Variants in PDGFC observed in about 807,000 individuals in gnomAD.
PDGFC encodes the protein platelet-derived growth factor C.
A neutral mutation model predicts 35.5 loss-of-function variants in PDGFC; 12 were observed. The observed-to-expected ratio is 0.34, with a 90% confidence interval of 0.22 to 0.55. PDGFC has a LOEUF of 0.55. Among genes scored for constraint, PDGFC ranks in the 20% least tolerant of loss-of-function variants. The pLI is 0.91. For missense variants in PDGFC, 322 were observed against 412.4 expected (o/e 0.78, Z 1.90); for synonymous variants, 159 against 148.8 (o/e 1.07, Z -0.50).
intron 1 of PDGFC, among the ~76,000 whole-genome samples, chr4:156,854,117 T>C (rs908356122): frequency 2.6e-5 from 4 of 152,228 alleles, no homozygotes; most frequent in African/African-American, 7.2e-5. Flanking sequence ...GAGGTACTTA[T>C]AGTAATTTAT....
At chr4:156,921,568 CTGGG>C (rs1300162612) in intron 1 of PDGFC, among the ~76,000 whole-genome samples, 1 of 151,972 alleles carries the variant, frequency 6.6e-6, no homozygotes, top group African/African-American at 2.4e-5. Context: ...AAGACAGATG[CTGGG>C]TGGGTTTTTT....
intron 2 of PDGFC, among the ~76,000 whole-genome samples, chr4:156,847,136 G>A (rs930103336): frequency 2.6e-5 from 4 of 151,702 alleles, no homozygotes; most frequent in African/African-American, 9.7e-5. Flanking sequence ...TTTAGGAGGT[G>A]GAGTGTAATC....
intron 2 of PDGFC, among the ~76,000 whole-genome samples, chr4:156,823,559 TA>T (rs201911886): frequency 0.014 from 2,198 of 152,188 alleles, 54 homozygotes; most frequent in African/African-American, 0.049. Context: ...ATCACTACTT[TA>T]AAAAAAATAA....
intron 1 of PDGFC, among the ~76,000 whole-genome samples, chr4:156,920,703 T>C (rs981380444): frequency 7.0e-6 from 1 of 143,440 alleles, no homozygotes; most frequent in Non-Finnish European, 1.5e-5. Context: ...ATACACACAC[T>C]GCAGTTTGTC....
At chr4:156,924,235 T>C (rs539087959) in intron 1 of PDGFC, among the ~76,000 whole-genome samples, 2 of 152,210 alleles carry the variant, frequency 1.3e-5, no homozygotes, top group East Asian at 3.9e-4. Flanking sequence ...GGCAGCCGAA[T>C]AGTTTCAACC....
chr4:156,907,014 A>G (rs1730929991), intron 1 of PDGFC, among the ~76,000 whole-genome samples: 1 of 152,216 alleles, frequency 6.6e-6, no homozygotes, highest in Non-Finnish European at 1.5e-5. Flanking sequence ...AAGAAAATGT[A>G]CTTTTGTCTA....
chr4:156,852,665 T>C (rs907145520), intron 1 of PDGFC, among the ~76,000 whole-genome samples: 6 of 152,200 alleles, frequency 3.9e-5, no homozygotes, highest in Admixed American at 1.3e-4. Flanking sequence ...TTAGGTTAGT[T>C]GACTTTGAGT....
At chr4:156,940,408 A>C (rs1275997113) in intron 1 of PDGFC, among the ~76,000 whole-genome samples, 1 of 152,172 alleles carries the variant, frequency 6.6e-6, no homozygotes, top group Non-Finnish European at 1.5e-5. Context: ...CTATTTACTC[A>C]ATAAATGTTT....
At chr4:156,803,167 T>C (rs914386052) in intron 3 of PDGFC, among the ~76,000 whole-genome samples, 1 of 152,098 alleles carries the variant, frequency 6.6e-6, no homozygotes, top group Non-Finnish European at 1.5e-5. Context: ...TTGAAGAAGA[T>C]GAAATTATTA....
chr4:156,895,998 T>A (rs1352313687), intron 1 of PDGFC, among the ~76,000 whole-genome samples: 1 of 152,042 alleles, frequency 6.6e-6, no homozygotes, highest in Non-Finnish European at 1.5e-5. Context: ...CCAAAAAAAT[T>A]AAGTAAGACT....
intron 2 of PDGFC, among the ~76,000 whole-genome samples, chr4:156,818,690 G>T (rs1202916476): frequency 6.6e-6 from 1 of 151,904 alleles, no homozygotes; most frequent in Non-Finnish European, 1.5e-5. Context: ...TTTTAATAGA[G>T]ACGGGGTTTC....
chr4:156,762,857 T>G lies in PDGFC; in HGVS notation c.*233A>C. 2.3e-6 allele frequency: 1 copy of G among 438,738 alleles called. No individual in the cohort carries two copies. The highest frequency in any genetic ancestry group is 4.1e-6 in the Non-Finnish European group (1 of 243,260). The allele number at this position is 438,738 out of a possible 1,614,324, so 27.2% of individuals were successfully genotyped here. A position where few individuals can be genotyped will look rare whatever the true frequency, so the allele number is the denominator to read the frequency against. ...ATTTAATACAACATTTAATTTTCTT[T>G]CCACGATTGAAGACCTTTTCTCCTG... On this transcript the variant is annotated 3_prime_UTR_variant, in exon 6 of 6. Coordinates refer to ENST00000502773, the MANE Select transcript of PDGFC (RefSeq NM_016205.3).
At chr4:156,789,644 C>T (rs925905719) in intron 3 of PDGFC, among the ~76,000 whole-genome samples, 1 of 152,082 alleles carries the variant, frequency 6.6e-6, no homozygotes, top group African/African-American at 2.4e-5. Context: ...GATATATAAT[C>T]TGAAGAAGTA....
At chr4:156,880,315 C>T (rs1000447418) in intron 1 of PDGFC, among the ~76,000 whole-genome samples, 19 of 152,006 alleles carry the variant, frequency 1.2e-4, no homozygotes, top group African/African-American at 4.3e-4. Context: ...TCTGAAAATA[C>T]TAGATCCTTT....
chr4:156,824,451 C>T (rs1354656085), intron 2 of PDGFC, among the ~76,000 whole-genome samples: 1 of 151,492 alleles, frequency 6.6e-6, no homozygotes, highest in African/African-American at 2.4e-5. Context: ...ATAATTAACA[C>T]TCCCTTCACT....
At chr4:156,854,818 A>C (rs1028146353) in intron 1 of PDGFC, among the ~76,000 whole-genome samples, 8 of 150,710 alleles carry the variant, frequency 5.3e-5, no homozygotes, top group African/African-American at 1.5e-4. Flanking sequence ...ATTACCAAAC[A>C]AAAAAAAAGT....
intron 3 of PDGFC, among the ~76,000 whole-genome samples, chr4:156,804,680 C>T (rs1192730301): frequency 2.0e-5 from 3 of 151,822 alleles, no homozygotes; most frequent in African/African-American, 7.3e-5. Flanking sequence ...CAACAAATAT[C>T]TGATAATTAA....
chr4:156,866,828 T>G (rs1343401585), intron 1 of PDGFC, among the ~76,000 whole-genome samples: 2 of 152,210 alleles, frequency 1.3e-5, no homozygotes, highest in African/African-American at 2.4e-5. Context: ...AAATAGGTTC[T>G]CTCCTGTAAT....
intron 1 of PDGFC, among the ~76,000 whole-genome samples, chr4:156,941,511 T>G (rs924319449): frequency 6.6e-6 from 1 of 152,204 alleles, no homozygotes; most frequent in Non-Finnish European, 1.5e-5. Flanking sequence ...TGGTTTATCA[T>G]TAGCTTTATC....
Sources: allele counts gnomAD v4.1 joint callset (sites outside exome capture counted in the v4.1 genomes callset), GRCh38; gene constraint gnomAD v4.1.1; transcripts MANE v1.5; gene names NCBI Gene and HGNC (gene_info 2026-07-23, HGNC 2026-07-21).